Variants in PUM1 observed in about 807,000 individuals in gnomAD.
PUM1 encodes the protein pumilio RNA binding family member 1, also known as pumilio homolog 1.
A neutral mutation model predicts 131.8 loss-of-function variants in PUM1; 13 were observed. The ratio of observed to expected loss-of-function variants is 0.10; its 90% CI spans 0.06 to 0.16. The LOEUF (loss-of-function observed/expected upper bound fraction) is 0.16, where lower values mean the gene tolerates loss of function less well. Ranked by LOEUF, PUM1 falls within the 10% of genes least tolerant of loss-of-function variation. The probability of loss-of-function intolerance (pLI) is 1.00; values close to 1 mark genes in which losing one functional copy is unlikely to be tolerated. For missense variants in PUM1, 961 were observed against 1,512.4 expected (o/e 0.64, Z 6.05); for synonymous variants, 509 against 556.5 (o/e 0.91, Z 1.20).
At chr1:30,963,483 A>ATG (rs1387803733) in intron 14 of PUM1, among the ~76,000 whole-genome samples, 1 of 152,230 alleles carries the variant, frequency 6.6e-6, no homozygotes. Context: ...ACACATGCCA[A>ATG]TGTGTATATA....
chr1:30,998,348 T>A (rs185444968), intron 5 of PUM1, among the ~76,000 whole-genome samples: 1 of 152,102 alleles, frequency 6.6e-6, no homozygotes, highest in East Asian at 1.9e-4. Flanking sequence ...TATTAAGAGA[T>A]AGTATCAGCT....
intron 2 of PUM1, 119 bp from the exon 3 acceptor site, chr1:31,028,983 G>T: frequency 1.3e-6 from 1 of 787,904 alleles, no homozygotes; most frequent in South Asian, 1.4e-5. Context: ...AAAGACAATA[G>T]CAATGATCAA....
At position 31,011,164 on chromosome 1, in the gene PUM1, T is replaced by TACACACACACACACACAC. The variant is rs138764103; in HGVS notation, c.433-4080_433-4063dup. ...CAGAGTGAGACCCTATCTCTTAAAA[T>TACACACACACACACACAC]ACACACACACACACACACACACACA... is the stretch of plus-strand genomic sequence containing the variant. On this transcript the variant is annotated intron_variant, in intron 3 of 21. Transcript: ENST00000426105. 1.0e-3 allele frequency among the ~76,000 whole-genome samples: 149 copies of TACACACACACACACACAC among 143,072 alleles called. 1 individual carries two copies. Among genetic ancestry groups the TACACACACACACACACAC allele is most frequent in the Admixed American group, 2.5e-3 (36 of 14,340 alleles). 93.9% of individuals were successfully genotyped at this position (143,072 alleles called of 152,430 possible).
chr1:31,062,480 T>TGTG (rs1250168984), intron 1 of PUM1, among the ~76,000 whole-genome samples: 1 of 151,780 alleles, frequency 6.6e-6, no homozygotes, highest in Non-Finnish European at 1.5e-5. Flanking sequence ...AGTAGCCAGG[T>TGTG]GTGGTGGCAC....
chr1:31,022,680 T>TA (rs1330867420), intron 3 of PUM1, among the ~76,000 whole-genome samples: 1 of 152,168 alleles, frequency 6.6e-6, no homozygotes, highest in East Asian at 1.9e-4. Flanking sequence ...ACAATACTGA[T>TA]AAAAAGGTCA....
intron 8 of PUM1, 159 bp from the exon 9 acceptor site, chr1:30,980,322 A>G (rs1641310097): frequency 3.1e-6 from 2 of 649,356 alleles, no homozygotes; most frequent in Non-Finnish European, 5.5e-6. Flanking sequence ...TTTTAAAAAG[A>G]TAACTGCTAT....
At chr1:30,959,439 T>C (rs1640313018) in intron 14 of PUM1, among the ~76,000 whole-genome samples, 1 of 152,102 alleles carries the variant, frequency 6.6e-6, no homozygotes, top group African/African-American at 2.4e-5. Flanking sequence ...TGGATTAATA[T>C]CTGAAAATCA....
At chr1:30,998,848 C>T (rs948720581) in intron 5 of PUM1, among the ~76,000 whole-genome samples, 1 of 152,100 alleles carries the variant, frequency 6.6e-6, no homozygotes, top group Non-Finnish European at 1.5e-5. Flanking sequence ...ACAGCAGTAT[C>T]AGGTTCAAGA....
chr1:30,968,379 T>A lies in PUM1; in HGVS notation c.1620A>T (p.Gly540=), dbSNP rs758932012. 1.6e-5 allele frequency: 26 copies of A among 1,586,846 alleles called. No individual in the cohort carries two copies. The highest frequency in any genetic ancestry group is 2.1e-5 in the Non-Finnish European group (24 of 1,165,566). Residue 540 remains glycine, a synonymous_variant, in exon 11 of 22, where the codon GGA becomes GGT. Transcript: ENST00000426105. ...CTGGCATGCCTGCTGCCAGACCTTG[T>A]CCAAATGCAAGGGCAGAATTCACTG... ...AAAVNSALAF[G]QGLAAGMPGY...
At chr1:31,047,167 C>G (rs140411569) in intron 2 of PUM1, among the ~76,000 whole-genome samples, 43 of 152,124 alleles carry the variant, frequency 2.8e-4, no homozygotes, top group African/African-American at 9.4e-4. Context: ...CCAGCCTAGG[C>G]GACAGATAGA....
At chr1:30,953,178 A>G (rs1409666177) in intron 15 of PUM1, among the ~76,000 whole-genome samples, 3 of 152,200 alleles carry the variant, frequency 2.0e-5, no homozygotes, top group Non-Finnish European at 4.4e-5. Context: ...AGGAGGAGGT[A>G]GCTTCTGTAG....
At chr1:30,950,754 C>T (rs915385393) in intron 16 of PUM1, among the ~76,000 whole-genome samples, 4 of 152,072 alleles carry the variant, frequency 2.6e-5, no homozygotes, top group South Asian at 2.1e-4. Context: ...CCAGCTACTC[C>T]GGAGGCTGAG....
chr1:30,953,458 G>C (rs1640030935), intron 15 of PUM1, among the ~76,000 whole-genome samples: 1 of 152,180 alleles, frequency 6.6e-6, no homozygotes, highest in African/African-American at 2.4e-5. Flanking sequence ...CAGCACCCTA[G>C]ATCAAACTTG....
At chr1:30,965,280 T>C (rs142891974) in intron 13 of PUM1, among the ~76,000 whole-genome samples, 5 of 152,232 alleles carry the variant, frequency 3.3e-5, no homozygotes, top group South Asian at 2.1e-4. Flanking sequence ...GAAAAAAGAT[T>C]TGTAAATGGG....
chr1:30,965,796 T>C (rs572174851), intron 13 of PUM1, among the ~76,000 whole-genome samples, 186 bp downstream of exon 13: 3 of 152,330 alleles, frequency 2.0e-5, no homozygotes, highest in East Asian at 3.9e-4. Flanking sequence ...TGAGCATGGA[T>C]TGAAATAGGT....
At chr1:31,012,838 T>C (rs1044093909) in intron 3 of PUM1, among the ~76,000 whole-genome samples, 16 of 152,240 alleles carry the variant, frequency 1.1e-4, no homozygotes, top group Admixed American at 9.8e-4. Flanking sequence ...CTAAGCTTCT[T>C]ATTTTAAGAA....
intron 11 of PUM1, among the ~76,000 whole-genome samples, chr1:30,967,558 G>C (rs1229747516): frequency 1.3e-5 from 2 of 152,176 alleles, no homozygotes; most frequent in East Asian, 1.9e-4. Context: ...ACCTAGATAG[G>C]CTTTAAATAA....
chr1:30,985,954 TC>T (rs893232828), intron 7 of PUM1, among the ~76,000 whole-genome samples: 5 of 151,892 alleles, frequency 3.3e-5, no homozygotes, highest in African/African-American at 1.2e-4. Flanking sequence ...TCCCTAAACT[TC>T]ACTGATTTTT....
intron 14 of PUM1, among the ~76,000 whole-genome samples, chr1:30,954,618 T>C (rs1640073281): frequency 6.6e-6 from 1 of 152,184 alleles, no homozygotes; most frequent in African/African-American, 2.4e-5. Context: ...TCATTACAAA[T>C]GGACAGCTCT....
Sources: allele counts gnomAD v4.1 joint callset (sites outside exome capture counted in the v4.1 genomes callset), GRCh38; gene constraint gnomAD v4.1.1; transcripts MANE v1.5; gene names NCBI Gene and HGNC (gene_info 2026-07-23, HGNC 2026-07-21).